CLPB: variants seen among roughly 807,000 people sequenced by gnomAD.
CLPB encodes ClpB family mitochondrial disaggregase.
Under a neutral mutation model 78.4 loss-of-function variants are expected in CLPB, and 40 were observed. The observed-to-expected ratio is 0.51, with a 90% CI of 0.40 to 0.66. The LOEUF is 0.66. Among genes scored for constraint, CLPB ranks in the 30% least tolerant of loss-of-function variants. CLPB has a pLI of 0.00. For missense variants in CLPB, 780 were observed against 886.9 expected, an observed-to-expected ratio of 0.88 and a Z score of 1.53; for synonymous variants, 333 against 348.0, an observed-to-expected ratio of 0.96 and a Z score of 0.48.
intron 2 of CLPB, among the ~76,000 whole-genome samples, chr11:72,403,367 G>A (rs886528628): frequency 2.0e-5 from 3 of 152,108 alleles, no homozygotes; most frequent in African/African-American, 7.2e-5. Flanking sequence ...GAAAAGAATG[G>A]TCCCTCCCTA....
At chr11:72,360,383 T>C (rs1950812851) in intron 4 of CLPB, among the ~76,000 whole-genome samples, 1 of 152,120 alleles carries the variant, frequency 6.6e-6, no homozygotes, top group African/African-American at 2.4e-5. Flanking sequence ...TATGCAATAC[T>C]AAATGTCCTA....
intron 11 of CLPB, among the ~76,000 whole-genome samples, chr11:72,297,637 G>GT (rs1949575170): frequency 3.7e-4 from 3 of 8,034 alleles, no homozygotes; most frequent in South Asian, 5.2e-3. Flanking sequence ...TGGGGACCAG[G>GT]TGTGTGTGTG....
At chr11:72,421,362 T>C (rs1403280970) in intron 2 of CLPB, among the ~76,000 whole-genome samples, 3 of 152,200 alleles carry the variant, frequency 2.0e-5, no homozygotes, top group Non-Finnish European at 4.4e-5. Context: ...CGTGTCATCT[T>C]ATCTAATTCG....
chr11:72,342,067 A>G (rs948161953), intron 5 of CLPB, among the ~76,000 whole-genome samples: 2 of 152,252 alleles, frequency 1.3e-5, no homozygotes, highest in South Asian at 2.1e-4. Flanking sequence ...GTCATCAGAC[A>G]TAACACTTCC....
intron 5 of CLPB, among the ~76,000 whole-genome samples, chr11:72,344,979 G>C (rs117190399): frequency 6.6e-6 from 1 of 152,114 alleles, no homozygotes; most frequent in Non-Finnish European, 1.5e-5. Flanking sequence ...ATTACAATGA[G>C]ATACTATGTC....
chr11:72,408,056 T>C, intron 2 of CLPB: 1 of 1,301,386 alleles, frequency 7.7e-7, no homozygotes, highest in Non-Finnish European at 1.1e-6. Flanking sequence ...ATAGGAGTTT[T>C]AGGAGGCAGC....
chr11:72,358,801 T>TTCCCCCCCCC, intron 5 of CLPB, 79 bp downstream of exon 5: 1 of 102,144 alleles, frequency 9.8e-6, no homozygotes, highest in Non-Finnish European at 1.9e-5. Context: ...CCAAGCCCCA[T>TTCCCCCCCCC]CCCACCCCTC....
intron 2 of CLPB, among the ~76,000 whole-genome samples, chr11:72,421,662 C>T (rs541457781): frequency 1.2e-3 from 179 of 152,350 alleles, no homozygotes; most frequent in African/African-American, 4.1e-3. Flanking sequence ...AGGCCCACTG[C>T]GTTAGGCCCT....
At position 72,290,414 on chromosome 11, in the gene CLPB, A is replaced by G. The variant is rs1275106562; in HGVS notation, c.*2953T>C. On this transcript the variant is annotated 3_prime_UTR_variant, in exon 16 of 16. Transcript: ENST00000538039. ...CAGCTCTTCCTTATAGTAGAATACC[A>G]ATTAATAAATACAGGTAAAATAATG... 3 of 152,268 alleles carry G rather than the reference A, an allele frequency of 2.0e-5. No individual in the cohort carries two copies. Among genetic ancestry groups the G allele is most frequent in the African/African-American group, 7.2e-5 (3 of 41,476 alleles). 9.4% of individuals were successfully genotyped at this position (152,268 alleles called of 1,614,324 possible).
At position 72,390,956 on chromosome 11, in the gene CLPB, C is replaced by T. The variant is rs139298526; in HGVS notation, c.543-10572G>A. 1.5e-4 allele frequency among the ~76,000 whole-genome samples: 23 copies of T among 152,302 alleles called. No individual in the cohort carries two copies. In the East Asian group the frequency reaches 3.9e-3, roughly 26 times the overall value. The stretch of plus-strand genomic sequence containing the variant: ...AGATAAGGTAAATGTGGTAGTCACA[C>T]ACTATGAAACACGATGCAGTAGTTA... On this transcript the variant is annotated intron_variant, in intron 3 of 15. Coordinates refer to ENST00000538039, the MANE Select transcript of CLPB (RefSeq NM_001258392.3).
chr11:72,375,862 C>T (rs1590865323), intron 4 of CLPB, among the ~76,000 whole-genome samples: 1 of 152,222 alleles, frequency 6.6e-6, no homozygotes. Context: ...TTACAATCCA[C>T]ATATCACATA....
At chr11:72,421,433 G>A (rs1856195226) in intron 2 of CLPB, among the ~76,000 whole-genome samples, 1 of 152,192 alleles carries the variant, frequency 6.6e-6, no homozygotes, top group Admixed American at 6.5e-5. Context: ...GGGGGATCAG[G>A]GAAGGCTTTC....
intron 5 of CLPB, among the ~76,000 whole-genome samples, chr11:72,331,057 AT>A (rs1037714507): frequency 2.6e-5 from 4 of 152,036 alleles, no homozygotes; most frequent in Admixed American, 6.5e-5. Context: ...TACTTTAAAA[AT>A]TTTTTTATTA....
At chr11:72,316,920 G>A (rs929657135) in intron 7 of CLPB, among the ~76,000 whole-genome samples, 186 bp downstream of exon 7, 2 of 152,194 alleles carry the variant, frequency 1.3e-5, no homozygotes, top group Non-Finnish European at 2.9e-5. Flanking sequence ...ACCAACCTCA[G>A]AGGATTGCCA....
chr11:72,425,557 C>T (rs1856350124), intron 2 of CLPB, among the ~76,000 whole-genome samples: 1 of 152,200 alleles, frequency 6.6e-6, no homozygotes, highest in African/African-American at 2.4e-5. Flanking sequence ...TTTCTCCTTC[C>T]TCATTTTGTT....
intron 5 of CLPB, among the ~76,000 whole-genome samples, chr11:72,349,987 G>A (rs1950585702): frequency 6.6e-6 from 1 of 152,256 alleles, no homozygotes; most frequent in African/African-American, 2.4e-5. Flanking sequence ...GCCGATTAAA[G>A]CCTTGATGAA....
chr11:72,405,692 G>C (rs1458166092), intron 2 of CLPB, among the ~76,000 whole-genome samples: 1 of 152,168 alleles, frequency 6.6e-6, no homozygotes, highest in Admixed American at 6.5e-5. Flanking sequence ...ACTTTAGGAG[G>C]CCAAGGCAGG....
At chr11:72,323,930 C>G (rs1401288638) in intron 6 of CLPB, among the ~76,000 whole-genome samples, 1 of 151,428 alleles carries the variant, frequency 6.6e-6, no homozygotes, top group Non-Finnish European at 1.5e-5. Context: ...AACTTATTCT[C>G]AAATCATTGA....
rs749731250 is a variant in CLPB, at chr11:72,293,456, G to A, written c.1945C>T (p.Arg649Cys). Residue 649 changes from arginine (R) to cysteine (C), a missense_variant, in exon 16 of 16, where the codon CGT becomes TGT. Around this residue, in one of 3 missense-constraint regions of CLPB, gnomAD observed 272 missense variants for 304.0 expected, o/e 0.89. Transcript: ENST00000538039. ...CTGTCCTTGTCGATGATCTCCAGAC[G>A]CAGCTTGGGGAGGCGCTTCTCAGCC... Reference protein sequence around the residue: ...PQAEKRLPKLRLEIIDKDSKT... With the variant: ...PQAEKRLPKLCLEIIDKDSKT... 6.2e-6 allele frequency: 10 copies of A among 1,614,136 alleles called. No homozygotes were observed. Among genetic ancestry groups the A allele is most frequent in the South Asian group, 2.2e-5 (2 of 91,080 alleles).
Sources: gnomAD v4.1 joint callset for allele counts (sites outside exome capture counted in the v4.1 genomes callset) on GRCh38, gnomAD v4.1.1 for gene constraint, gnomAD v4.1.1 regional missense constraint, MANE v1.5 for transcripts, NCBI Gene and HGNC (gene_info 2026-07-23, HGNC 2026-07-21) for gene names.